The following WIZ variants were observed in gnomAD, a reference collection of about 807,000 sequenced individuals.
WIZ encodes the protein protein Wiz.
In WIZ, 25 loss-of-function variants were observed where a neutral mutation model predicts 140.2. That is an observed-to-expected ratio of 0.18 (90% CI 0.13 to 0.25). The LOEUF (loss-of-function observed/expected upper bound fraction) is 0.25. Among genes scored for constraint, WIZ ranks in the 10% least tolerant of loss-of-function variants. The pLI, the probability that WIZ is intolerant of heterozygous loss-of-function variation, is 1.00. For synonymous variants in WIZ, 1,125 were observed against 1,154.3 expected (o/e 0.97, Z 0.51); for missense variants, 2,231 against 2,632.6 (o/e 0.85, Z 3.34).
At position 15,429,996 on chromosome 19, in the gene WIZ, C is replaced by G; in HGVS notation, c.3005G>C (p.Gly1002Ala). Residue 1002 changes from glycine (G) to alanine (A), a missense_variant, in exon 7 of 13, where the codon GGA (glycine) becomes GCA (alanine). Gly to Ala is a moderately conservative substitution (Grantham distance 60). This residue lies in a region of WIZ where 24 missense variants were observed against 61.2 expected (regional missense o/e 0.39). Transcript: ENST00000673675. ...SHARSHLRQL[G>A]VAESESSGAP... is the part of the protein sequence containing the mutation. Reference sequence around the variant, plus strand: ...GCCGCTGCTTTCCGACTCTGCCACTCCCAGCTGCCGCAGGTGGGAGCGCGC... The same window carrying G: ...GCCGCTGCTTTCCGACTCTGCCACTGCCAGCTGCCGCAGGTGGGAGCGCGC... The G allele has an allele frequency of 8.5e-6, 13 of 1,536,034 alleles. No homozygotes were observed. Among genetic ancestry groups the G allele is most frequent in the Non-Finnish European group, 1.1e-5 (13 of 1,146,820 alleles).
intron 5 of WIZ, 112 bp from the exon 6 acceptor site, chr19:15,431,294 C>T (rs1236079799): frequency 4.6e-6 from 6 of 1,312,084 alleles, no homozygotes; most frequent in Admixed American, 5.9e-5. Flanking sequence ...CTCTGCGAAG[C>T]GACTCACCCC....
In WIZ at chr19:15,426,986, G is replaced by C; in HGVS notation, c.4362C>G (p.Asn1454Lys). Residue 1454 changes from asparagine (N) to lysine (K), a missense_variant, in exon 9 of 13, where the codon AAC becomes AAG. Transcript: ENST00000673675. ...GAPREDMTPL[N>K]LSSRAEPVRD... is the part of the protein sequence containing the mutation. ...CTACTGCAGGGTCACACTTACACAG[G>C]TTCAGGGGTGTCATGTCTTCCCGTG... 6.2e-7 allele frequency: 1 copy of C among 1,611,200 alleles called. No homozygotes were observed. Among genetic ancestry groups the C allele is most frequent in the Non-Finnish European group, 8.5e-7 (1 of 1,178,402 alleles).
chr19:15,425,373 G>A lies in WIZ; in HGVS notation c.4762C>T (p.Leu1588=). The change falls in exon 10 of 13, where the codon CTG becomes TTG. Residue 1588 remains leucine (L), a synonymous_variant. Transcript: ENST00000673675. ...TGAKPSATGY[L]GSVAAKRPLQ... ...GGCCGCTTGGCTGCCACTGAGCCCA[G>A]GTAGCCAGTGGCTGAGGGCTTGGCC... 4 of 1,557,108 alleles carry A rather than the reference G, an allele frequency of 2.6e-6. No individual in the cohort carries two copies. Among genetic ancestry groups the A allele is most frequent in the Non-Finnish European group, 3.5e-6 (4 of 1,150,456 alleles).
Position 15,442,601 on chromosome 19 carries a change from G to A in WIZ, c.278+75C>T. On this transcript the variant is annotated intron_variant, in intron 3 of 12. Coordinates refer to ENST00000673675, the MANE Select transcript of WIZ (RefSeq NM_001371589.1). The surrounding 1 kb of genome is among the most constrained non-coding windows in gnomAD (Gnocchi z 5.5). ...CTCCTGTCCCCTTCTCATTCCCCAG[G>A]GGCTTATCTGAGGCCTGGGCATGTC... is the stretch of plus-strand genomic sequence containing the variant. 1.1e-5 allele frequency: 12 copies of A among 1,101,102 alleles called. No individual in the cohort carries two copies. The highest frequency in any genetic ancestry group is 1.4e-5 in the Non-Finnish European group (12 of 868,688). 68.2% of individuals were successfully genotyped at this position (1,101,102 alleles called of 1,614,324 possible). A position where few individuals can be genotyped will look rare whatever the true frequency, so the allele number is the denominator to read the frequency against.
Position 15,427,755 on chromosome 19 carries a change from G to A in WIZ, c.3815-222C>T, listed in dbSNP as rs1417064547. 1.3e-5 allele frequency among the ~76,000 whole-genome samples: 2 copies of A among 152,164 alleles called. No homozygotes were observed. The highest frequency in any genetic ancestry group is 2.9e-5 in the Non-Finnish European group (2 of 68,028). On this transcript the variant is annotated intron_variant, in intron 8 of 12. Transcript: ENST00000673675. This position sits in a 1 kb window ranked among gnomAD's most constrained non-coding sequence, Gnocchi z 6.4. Reference sequence around the variant, plus strand: ...GAGCACATGGGCCCTCAGTCCTGGCGGAGGAGGATGGAACCAAGATTCCAT... The same window carrying A: ...GAGCACATGGGCCCTCAGTCCTGGCAGAGGAGGATGGAACCAAGATTCCAT...
At position 15,429,663 on chromosome 19, in the gene WIZ, T is replaced by G. The variant is rs1253153376; in HGVS notation, c.3338A>C (p.Gln1113Pro). ...TPKNPEDKSP[Q>P]LSLSPRPASP... ...GGCCGGCCGGGGGCTCAGGGACAGC[T>G]GGGGGCTCTTGTCCTCAGGATTCTT... is the stretch of plus-strand genomic sequence containing the variant. Residue 1113 changes from glutamine (Q) to proline (P), a missense_variant, in exon 7 of 13, where the codon CAG becomes CCG. By Grantham distance (76) the Gln-to-Pro change is moderately conservative. This residue lies in a region of WIZ where 163 missense variants were observed against 166.8 expected (regional missense o/e 0.98). Transcript: ENST00000673675. The G allele has an allele frequency of 7.0e-7, 1 of 1,427,530 alleles. No homozygotes were observed. Among genetic ancestry groups the G allele is most frequent in the Admixed American group, 2.9e-5 (1 of 34,288 alleles). 88.4% of individuals were successfully genotyped at this position (1,427,530 alleles called of 1,614,324 possible). A position where few individuals can be genotyped will look rare whatever the true frequency, so the allele number is the denominator to read the frequency against.
At position 15,440,093 on chromosome 19, in the gene WIZ, C is replaced by G. The variant is rs1202166290; in HGVS notation, c.901G>C (p.Val301Leu). ...TCCTCGTCCTCATCTGGGCTGGCCA[C>G]CCCTTCGGCCACCTCCTCCAGCAGC... Reference protein sequence around the residue: ...CELLEEVAEGVASPDEDEDEE... With the variant: ...CELLEEVAEGLASPDEDEDEE... The change falls in exon 4 of 13, where the codon GTG becomes CTG. Residue 301 changes from valine (V) to leucine (L), a missense_variant. Transcript: ENST00000673675. This position sits in a 1 kb window ranked among gnomAD's most constrained non-coding sequence, Gnocchi z 6.2. The G allele has an allele frequency of 6.5e-7, 1 of 1,534,566 alleles. No individual in the cohort carries two copies. The highest frequency in any genetic ancestry group is 8.7e-7 in the Non-Finnish European group (1 of 1,146,076).
intron 2 of WIZ, among the ~76,000 whole-genome samples, chr19:15,446,657 C>T (rs1015518454): frequency 3.9e-5 from 6 of 152,214 alleles, no homozygotes; most frequent in Non-Finnish European, 8.8e-5. Context: ...CATTGTCCCT[C>T]ATCCTACCTC....
rs555603738 is a variant in WIZ at position 15,438,875 on chromosome 19, C to T, written c.2119G>A (p.Glu707Lys). ...TGGGCGCCTGCCAGCCCCAGCTCCTCGGGCTGCAACCTTGGGGGCACCCTG... is the reference window on the plus strand; with the variant it reads ...TGGGCGCCTGCCAGCCCCAGCTCCTTGGGCTGCAACCTTGGGGGCACCCTG... ...AARVPPRLQP[E>K]ELGLAGAHPL... Residue 707 changes from glutamate (E) to lysine (K), a missense_variant, in exon 4 of 13, where the codon GAG (glutamate) becomes AAG (lysine). By Grantham distance (56) the Glu-to-Lys change is moderately conservative (BLOSUM62 1). This residue lies in a region of WIZ where 475 missense variants were observed against 520.2 expected (regional missense o/e 0.91). Coordinates refer to ENST00000673675, the MANE Select transcript of WIZ (RefSeq NM_001371589.1). 30 of 1,460,196 alleles carry T rather than the reference C, an allele frequency of 2.1e-5. No individual in the cohort carries two copies. In the African/African-American group the frequency reaches 2.4e-4, roughly 12 times the overall value. 90.5% of individuals were successfully genotyped at this position (1,460,196 alleles called of 1,614,324 possible).
At chr19:15,446,729 C>A (rs542918319) in intron 2 of WIZ, among the ~76,000 whole-genome samples, 12 of 152,356 alleles carry the variant, frequency 7.9e-5, no homozygotes, top group Admixed American at 1.3e-4. Context: ...ACAGCCCCAG[C>A]CGCTGTGTCA....
Position 15,440,313 on chromosome 19 carries a change from C to G in WIZ, c.681G>C (p.Lys227Asn). Reference protein sequence around the residue: ...RVFVPVEDTPKTLDMAVVGGR... With the variant: ...RVFVPVEDTPNTLDMAVVGGR... ...CACCCACCACCGCCATGTCCAGCGT[C>G]TTCGGGGTGTCTTCCACTGGCACAA... Residue 227 changes from lysine (K) to asparagine (N), a missense_variant, in exon 4 of 13, where the codon AAG becomes AAC. Around this residue, in one of 15 missense-constraint regions of WIZ, gnomAD observed 307 missense variants for 294.1 expected, o/e 1.04. Transcript: ENST00000673675. The surrounding 1 kb of genome is among the most constrained non-coding windows in gnomAD (Gnocchi z 6.2). 1 of 1,516,158 alleles carries G rather than the reference C, an allele frequency of 6.6e-7. No homozygotes were observed. The highest frequency in any genetic ancestry group is 8.8e-7 in the Non-Finnish European group (1 of 1,135,420). 93.9% of individuals were successfully genotyped at this position (1,516,158 alleles called of 1,614,324 possible).
rs371707757 is a variant in WIZ, at chr19:15,445,952, A to G, written c.205+2151T>C. Among the ~76,000 whole-genome samples, 11 of 152,152 alleles carry G rather than the reference A, an allele frequency of 7.2e-5. No homozygotes were observed. In the East Asian group the frequency reaches 9.6e-4, roughly 13 times the overall value. On this transcript the variant is annotated intron_variant, in intron 2 of 12. Coordinates refer to ENST00000673675, the MANE Select transcript of WIZ (RefSeq NM_001371589.1). ...GAGCCTGTTCCTATTTATAGGCATC[A>G]CAAGACTAGTAGGGCAGGTGCCCGT...
In WIZ at chr19:15,425,788, G is replaced by A. The variant is rs1474086254; in HGVS notation, c.4367-20C>T. ...GGGACGCTGCAGGGGATCCAGGGTA[G>A]GGGGAAGGAGGAGGAGGAGGAGGAG... On this transcript the variant is annotated intron_variant, in intron 9 of 12. Coordinates refer to ENST00000673675, the MANE Select transcript of WIZ (RefSeq NM_001371589.1). The A allele has an allele frequency of 4.3e-6, 6 of 1,387,114 alleles. No homozygotes were observed. The highest frequency in any genetic ancestry group is 2.5e-5 in the Admixed American group (1 of 40,016). 85.9% of individuals were successfully genotyped at this position (1,387,114 alleles called of 1,614,324 possible). A position where few individuals can be genotyped will look rare whatever the true frequency, so the allele number is the denominator to read the frequency against.
rs1234994174 is a variant in WIZ, at chr19:15,438,909, C to T, written c.2085G>A (p.Met695Ile). Residue 695 changes from methionine (M) to isoleucine (I), a missense_variant, in exon 4 of 13, where the codon ATG becomes ATA. By Grantham distance (10) the Met-to-Ile change is conservative. This residue lies in a region of WIZ where 475 missense variants were observed against 520.2 expected (regional missense o/e 0.91). Coordinates refer to ENST00000673675, the MANE Select transcript of WIZ (RefSeq NM_001371589.1). ...ACCTTGGGGGCACCCTGGCTGCCGC[C>T]ATGACCTGCGGCCCCAGCTTCGCCA... ...VLVAKLGPQV[M>I]AAARVPPRLQ... is the part of the protein sequence containing the mutation. 2 of 1,448,370 alleles carry T rather than the reference C, an allele frequency of 1.4e-6. No homozygotes were observed. The highest frequency in any genetic ancestry group is 1.8e-6 in the Non-Finnish European group (2 of 1,101,888). The allele number at this position is 1,448,370 out of a possible 1,614,324, so 89.7% of individuals were successfully genotyped here.
chr19:15,429,848 G>A lies in WIZ; in HGVS notation c.3153C>T (p.Pro1051=), dbSNP rs1969111000. Residue 1051 remains proline, a synonymous_variant, in exon 7 of 13, where the codon CCC becomes CCT. Transcript: ENST00000673675. ...SSLKEVVAGA[P]RPGLLSLAKP... is the part of the protein sequence containing the mutation. ...TGGCCAGGCTGAGCAAGCCGGGCCG[G>A]GGGGCCCCGGCGACCACCTCCTTCA... The A allele has an allele frequency of 6.5e-7, 1 of 1,530,224 alleles. No homozygotes were observed. Among genetic ancestry groups the A allele is most frequent in the African/African-American group, 1.4e-5 (1 of 72,962 alleles). 94.8% of individuals were successfully genotyped at this position (1,530,224 alleles called of 1,614,324 possible).
Position 15,440,365 on chromosome 19 carries a change from G to A in WIZ, c.629C>T (p.Pro210Leu). 1.3e-6 allele frequency: 2 copies of A among 1,531,348 alleles called. No homozygotes were observed. Among genetic ancestry groups the A allele is most frequent in the Non-Finnish European group, 8.7e-7 (1 of 1,143,362 alleles). The allele number at this position is 1,531,348 out of a possible 1,614,324, so 94.9% of individuals were successfully genotyped here. The change falls in exon 4 of 13, where the codon CCA (proline) becomes CTA (leucine). Residue 210 changes from proline to leucine, a missense_variant. By Grantham distance (98) the Pro-to-Leu change is moderately conservative. Transcript: ENST00000673675. This position sits in a 1 kb window ranked among gnomAD's most constrained non-coding sequence, Gnocchi z 6.2. ...CACCCTCCTGAAGGGGGCGAGGGGT[G>A]GCGGCTGGGCAGGCAGGTCCAAGTG... Reference protein sequence around the residue: ...GLHLDLPAQPPPLAPFRRVFV... With the variant: ...GLHLDLPAQPLPLAPFRRVFV...
At chr19:15,430,700 G>A (rs540646962) in intron 6 of WIZ, among the ~76,000 whole-genome samples, 6 of 152,286 alleles carry the variant, frequency 3.9e-5, no homozygotes, top group South Asian at 4.1e-4. Flanking sequence ...GGTGTCATGC[G>A]AGAGACTGCA....
intron 9 of WIZ, among the ~76,000 whole-genome samples, chr19:15,426,373 G>A (rs554789035): frequency 3.9e-5 from 6 of 152,280 alleles, no homozygotes; most frequent in Non-Finnish European, 7.3e-5. Flanking sequence ...ACAGGCAAGC[G>A]AGCAAGTGAC....
rs1370475597 is a variant in WIZ at position 15,448,341 on chromosome 19, G to A, written c.-34C>T. 1 of 1,606,188 alleles carries A rather than the reference G, an allele frequency of 6.2e-7. No homozygotes were observed. The highest frequency in any genetic ancestry group is 1.7e-5 in the Admixed American group (1 of 59,860). On this transcript the variant is annotated 5_prime_UTR_variant, in exon 2 of 13. Transcript: ENST00000673675. Reference sequence around the variant, plus strand: ...CTCTGCTTGGATCCACTCAGCTGCTGCACCGGCTCAGCGGGGCATTGTGGG... The same window carrying A: ...CTCTGCTTGGATCCACTCAGCTGCTACACCGGCTCAGCGGGGCATTGTGGG...
Sources: allele counts gnomAD v4.1 joint callset (sites outside exome capture counted in the v4.1 genomes callset), GRCh38; gene constraint gnomAD v4.1.1; regional missense constraint gnomAD v4.1.1; non-coding constraint Gnocchi (gnomAD v3.1); transcripts MANE v1.5; gene names NCBI Gene and HGNC (gene_info 2026-07-23, HGNC 2026-07-21).